The following FGF9 variants were observed in gnomAD, a reference collection of about 807,000 sequenced individuals.
The protein encoded by FGF9 is fibroblast growth factor 9 (glia-activating factor).
A neutral mutation model predicts 19.9 loss-of-function variants in FGF9; 3 were observed. The ratio of observed to expected loss-of-function variants is 0.15; its 90% CI spans 0.07 to 0.39. The LOEUF is 0.39. Among genes scored for constraint, FGF9 ranks in the 10% least tolerant of loss-of-function variants. The pLI is 1.00. For missense variants in FGF9, 175 were observed against 256.8 expected, an observed-to-expected ratio of 0.68 and a Z score of 2.18; for synonymous variants, 107 against 106.9, an observed-to-expected ratio of 1.00 and a Z score of -0.01.
chr13:21,683,152 C>T (rs116615863), intron 2 of FGF9, among the ~76,000 whole-genome samples: 524 of 152,304 alleles, frequency 3.4e-3, no homozygotes, highest in African/African-American at 0.012. Flanking sequence ...ATGAAATCAC[C>T]AGCATGATTC....
intron 2 of FGF9, among the ~76,000 whole-genome samples, chr13:21,694,383 C>T (rs999576428): frequency 1.4e-4 from 21 of 152,102 alleles, no homozygotes; most frequent in Non-Finnish European, 5.9e-5. Context: ...AATTCTGCCC[C>T]TTCCAGTATC....
At chr13:21,675,518 G>A (rs924930090) in intron 1 of FGF9, among the ~76,000 whole-genome samples, 35 of 151,918 alleles carry the variant, frequency 2.3e-4, no homozygotes, top group South Asian at 2.1e-4. Flanking sequence ...AGGGGGCTGC[G>A]GTGCCCCGGC....
chr13:21,686,481 AC>A (rs1872161219), intron 2 of FGF9, among the ~76,000 whole-genome samples: 1 of 152,258 alleles, frequency 6.6e-6, no homozygotes, highest in Admixed American at 6.5e-5. Context: ...ACAGGTACTA[AC>A]ATTGTAAGGA....
In FGF9 at chr13:21,672,310, G is replaced by A. The variant is rs990798113; in HGVS notation, c.277+121G>A. The A allele has an allele frequency of 4.6e-6, 5 of 1,095,374 alleles. No homozygotes were observed. Among genetic ancestry groups the A allele is most frequent in the Non-Finnish European group, 6.9e-6 (5 of 724,474 alleles). 67.9% of individuals were successfully genotyped at this position (1,095,374 alleles called of 1,614,324 possible). A position where few individuals can be genotyped will look rare whatever the true frequency, so the allele number is the denominator to read the frequency against. ...TTCTCCCCTCCTCCCCTCTTTCTCT[G>A]TATCTCTGTCTCTCTCTCTCTCTGT... is the stretch of plus-strand genomic sequence containing the variant. On this transcript the variant is annotated intron_variant, in intron 1 of 2. Coordinates refer to ENST00000382353, the MANE Select transcript of FGF9 (RefSeq NM_002010.3). This position sits in a 1 kb window ranked among gnomAD's most constrained non-coding sequence, Gnocchi z 4.2.
In FGF9 at chr13:21,677,384, A is replaced by T. The variant is rs537520868; in HGVS notation, c.278-3658A>T. ...CTCTCCTTGATCATTAAACATTCAG[A>T]TGTCTCTGCACAGAAGGCTTCTCCT... On this transcript the variant is annotated intron_variant, in intron 1 of 2. Coordinates refer to ENST00000382353, the MANE Select transcript of FGF9 (RefSeq NM_002010.3). Among the ~76,000 whole-genome samples, 146 of 151,706 alleles carry T rather than the reference A, an allele frequency of 9.6e-4. 1 individual carries two copies. Among genetic ancestry groups the T allele is most frequent in the Non-Finnish European group, 1.5e-3 (101 of 67,946 alleles).
At chr13:21,698,489 G>A (rs1358605118) in intron 2 of FGF9, among the ~76,000 whole-genome samples, 1 of 152,202 alleles carries the variant, frequency 6.6e-6, no homozygotes, top group Non-Finnish European at 1.5e-5. Flanking sequence ...TAAAGATGAG[G>A]TTACTGAGAC....
intron 2 of FGF9, among the ~76,000 whole-genome samples, chr13:21,699,831 G>T (rs1245894685): frequency 6.6e-6 from 1 of 152,136 alleles, no homozygotes; most frequent in Non-Finnish European, 1.5e-5. Context: ...TAAGAGAAAA[G>T]AAACTATTTC....
At chr13:21,679,531 A>C (rs1473289426) in intron 1 of FGF9, among the ~76,000 whole-genome samples, 2 of 152,140 alleles carry the variant, frequency 1.3e-5, no homozygotes, top group Non-Finnish European at 2.9e-5. Context: ...TTAATATTTG[A>C]AAGTATTTTT....
chr13:21,679,579 G>A (rs2138132615), intron 1 of FGF9, among the ~76,000 whole-genome samples: 1 of 151,784 alleles, frequency 6.6e-6, no homozygotes, highest in East Asian at 1.9e-4. Context: ...ATTAATGTAA[G>A]GTCTACATAA....
rs1367389965 is a variant in FGF9 at position 21,681,923 on chromosome 13, G to T, written c.381+778G>T. 2.6e-5 allele frequency among the ~76,000 whole-genome samples: 4 copies of T among 152,118 alleles called. No individual in the cohort carries two copies. The East Asian group carries it at 5.8e-4, about 22-fold the overall frequency. On this transcript the variant is annotated intron_variant, in intron 2 of 2. Coordinates refer to ENST00000382353, the MANE Select transcript of FGF9 (RefSeq NM_002010.3). ...ACATTTTTGCTGAATGTATAAGTATGAATAATATATACTAACTTGGGTTTT... is the reference window on the plus strand; with the variant it reads ...ACATTTTTGCTGAATGTATAAGTATTAATAATATATACTAACTTGGGTTTT...
At chr13:21,683,377 A>C (rs1462842580) in intron 2 of FGF9, among the ~76,000 whole-genome samples, 1 of 152,066 alleles carries the variant, frequency 6.6e-6, no homozygotes, top group Non-Finnish European at 1.5e-5. Flanking sequence ...ACGGAGTGCC[A>C]GTGACAATAC....
chr13:21,700,317 A>G (rs751471846), intron 2 of FGF9, among the ~76,000 whole-genome samples: 1 of 152,032 alleles, frequency 6.6e-6, no homozygotes, highest in Non-Finnish European at 1.5e-5. Flanking sequence ...ATTCAGGAAA[A>G]CTCAGTCATG....
At chr13:21,674,747 T>C (rs1019813455) in intron 1 of FGF9, among the ~76,000 whole-genome samples, 4 of 151,554 alleles carry the variant, frequency 2.6e-5, no homozygotes, top group Non-Finnish European at 5.9e-5. Context: ...GATAGGACGT[T>C]TGCCACATGC....
Position 21,701,466 on chromosome 13 carries a change from A to G in FGF9, c.*31A>G. On this transcript the variant is annotated 3_prime_UTR_variant, in exon 3 of 3. Transcript: ENST00000382353. ...ACAGTTTCTTCACTTGAGCCCTTAA[A>G]AAAGTAACCACTATAAAGGTTTCAC... 6.2e-7 allele frequency: 1 copy of G among 1,613,930 alleles called. No individual in the cohort carries two copies. The highest frequency in any genetic ancestry group is 8.5e-7 in the Non-Finnish European group (1 of 1,179,846).
At position 21,671,797 on chromosome 13, in the gene FGF9, C is replaced by A. The variant is rs202202819; in HGVS notation, c.-116C>A. 3 of 674,844 alleles carry A rather than the reference C, an allele frequency of 4.4e-6. No individual in the cohort carries two copies. The highest frequency in any genetic ancestry group is 2.2e-5 in the South Asian group (1 of 45,928). 41.8% of individuals were successfully genotyped at this position (674,844 alleles called of 1,614,324 possible). ...GATTGAAGAAAAGAACCTTTTTTTTCTCTCTCTCTCTGCAACTGCAGTAAG... is the reference window on the plus strand; with the variant it reads ...GATTGAAGAAAAGAACCTTTTTTTTATCTCTCTCTCTGCAACTGCAGTAAG... On this transcript the variant is annotated 5_prime_UTR_variant, in exon 1 of 3. Transcript: ENST00000382353.
At chr13:21,681,189 A>G (rs1372125126) in intron 2 of FGF9, 44 bp downstream of exon 2, 1 of 1,352,516 alleles carries the variant, frequency 7.4e-7, no homozygotes, top group Admixed American at 1.7e-5. Flanking sequence ...TCCATGTTTG[A>G]TTTGAACAGC....
At chr13:21,678,487 C>G (rs147616437) in intron 1 of FGF9, among the ~76,000 whole-genome samples, 2 of 152,138 alleles carry the variant, frequency 1.3e-5, no homozygotes, top group South Asian at 2.1e-4. Context: ...GAGACGGCCT[C>G]TCATTTGGCA....
chr13:21,679,753 A>G (rs376398837), intron 1 of FGF9, among the ~76,000 whole-genome samples: 2 of 149,220 alleles, frequency 1.3e-5, no homozygotes, highest in East Asian at 3.9e-4. Context: ...CCTGGCTAAC[A>G]CAGTGAAACC....
chr13:21,701,164 T>C lies in FGF9; in HGVS notation c.382-26T>C, dbSNP rs751978201. 5 of 1,606,448 alleles carry C rather than the reference T, an allele frequency of 3.1e-6. No individual in the cohort carries two copies. In the Admixed American group the frequency reaches 6.7e-5, roughly 22 times the overall value. On this transcript the variant is annotated intron_variant, in intron 2 of 2. Transcript: ENST00000382353. ...AGCATGCATTAGCTATTTTTCCTAA[T>C]GCTCTCCCTCTTTTTCTTTTTACAG...
Sources: allele counts gnomAD v4.1 joint callset (sites outside exome capture counted in the v4.1 genomes callset), GRCh38; gene constraint gnomAD v4.1.1; non-coding constraint Gnocchi (gnomAD v3.1); transcripts MANE v1.5; gene names NCBI Gene and HGNC (gene_info 2026-07-23, HGNC 2026-07-21).